Variants in ZIC3 observed in about 807,000 individuals in gnomAD.
ZIC3 encodes the protein zinc finger protein ZIC 3.
In ZIC3, 6 loss-of-function variants were observed where a neutral mutation model predicts 18.3. That is an observed-to-expected ratio of 0.33 (90% CI 0.18 to 0.65). The LOEUF is 0.65. ZIC3 is among the 30% of genes least tolerant of loss of function. The pLI, the probability that ZIC3 is intolerant of heterozygous loss-of-function variation, is 0.75. For missense variants in ZIC3, 260 were observed against 410.0 expected, an observed-to-expected ratio of 0.63 and a Z score of 3.16; for synonymous variants, 175 against 177.0, an observed-to-expected ratio of 0.99 and a Z score of 0.09.
intron 1 of ZIC3, among the ~76,000 whole-genome samples, chrX:137,568,629 C>T (rs1383507126): frequency 9.0e-6 from 1 of 111,006 alleles, no homozygotes; most frequent in African/African-American, 3.3e-5. Context: ...TTCGGAGGAG[C>T]CAGGGGCTTT....
At chrX:137,573,309 T>C (rs1173815076), downstream of ZIC3, among the ~76,000 whole-genome samples, 2 of 111,862 alleles carry the variant, frequency 1.8e-5, no homozygotes, top group Non-Finnish European at 3.8e-5. Context: ...ATTCCCACTG[T>C]TAGGCAAAAG....
downstream of ZIC3, among the ~76,000 whole-genome samples, chrX:137,576,464 G>T (rs1270564934): frequency 9.0e-6 from 1 of 111,696 alleles, no homozygotes; most frequent in African/African-American, 3.3e-5. Context: ...TTTTATAGAA[G>T]TTATGTGAAT....
intron 1 of ZIC3, 147 bp from the exon 2 acceptor site, chrX:137,568,755 T>A (rs1931394195): frequency 1.9e-5 from 9 of 480,442 alleles, no homozygotes; most frequent in Non-Finnish European, 3.0e-5. Flanking sequence ...TCTTCATTTC[T>A]CTCCAGGGAA....
downstream of ZIC3, among the ~76,000 whole-genome samples, chrX:137,572,524 ATTT>A (rs1931453917): frequency 8.9e-6 from 1 of 112,251 alleles, no homozygotes; most frequent in Admixed American, 9.4e-5. Flanking sequence ...ACCAGAGACC[ATTT>A]TAAATGCTCA....
In ZIC3 at chrX:137,570,571, C is replaced by T. The variant is rs1208991324; in HGVS notation, c.*501C>T. 8.0e-6 allele frequency: 1 copy of T among 124,872 alleles called. No homozygotes were observed. Among genetic ancestry groups the T allele is most frequent in the African/African-American group, 3.2e-5 (1 of 31,253 alleles). 10.3% of individuals were successfully genotyped at this position (124,872 alleles called of 1,213,427 possible). ...GTATTTTTGTCTAATAGGGTCGAAA[C>T]TGTTGTTCAGTATTTTTTCAGGCTG... is the stretch of plus-strand genomic sequence containing the variant. On this transcript the variant is annotated 3_prime_UTR_variant, in exon 3 of 3. Coordinates refer to ENST00000287538, the MANE Select transcript of ZIC3 (RefSeq NM_003413.4).
chrX:137,574,154 C>T (rs1312108447), downstream of ZIC3: 1 of 113,578 alleles, frequency 8.8e-6, no homozygotes, highest in Non-Finnish European at 1.9e-5. Context: ...GCGCTGGCCG[C>T]AAACTTTGTG....
At position 137,567,551 on chromosome X, in the gene ZIC3, T is replaced by A; in HGVS notation, c.860T>A (p.Val287Glu). 8.3e-7 allele frequency: 1 copy of A among 1,212,037 alleles called. No homozygotes were observed. The highest frequency in any genetic ancestry group is 1.1e-6 in the Non-Finnish European group (1 of 895,566). The change falls in exon 1 of 3, where the codon GTG (valine) becomes GAG (glutamate). Residue 287 changes from valine (V) to glutamate (E), a missense_variant. Val to Glu is a moderately radical substitution (Grantham distance 121). Transcript: ENST00000287538. Reference protein sequence around the residue: ...ELVTHVTMEHVGGPEQNNHVC... With the variant: ...ELVTHVTMEHEGGPEQNNHVC... ...GTGACACATGTCACCATGGAGCATG[T>A]GGGGGGCCCGGAGCAGAACAACCAC...
In ZIC3 at chrX:137,571,865, G is replaced by C. The variant is rs747064566; in HGVS notation, c.*1795G>C. Among the ~76,000 whole-genome samples the C allele has an allele frequency of 9.0e-6, 1 of 111,671 alleles. No individual in the cohort carries two copies. Among genetic ancestry groups the C allele is most frequent in the Non-Finnish European group, 1.9e-5 (1 of 53,145 alleles). On this transcript the variant is annotated 3_prime_UTR_variant, in exon 3 of 3. Coordinates refer to ENST00000287538, the MANE Select transcript of ZIC3 (RefSeq NM_003413.4). ...GAGTATTGAGACCTTTTTTATTAGG[G>C]TGCTGTTTGTTATTGAGAGCCCAAT...
In ZIC3 at chrX:137,566,806, C is replaced by A; in HGVS notation, c.115C>A (p.Pro39Thr). The A allele has an allele frequency of 1.7e-6, 2 of 1,173,161 alleles. No individual in the cohort carries two copies. The highest frequency in any genetic ancestry group is 1.7e-5 in the African/African-American group (1 of 57,242). The part of the protein sequence containing the change: ...NREPAGMGLN[P>T]FGDSTHAAAA... ...TGAGCCGGCAGGCATGGGGCTGAAT[C>A]CCTTCGGGGACTCAACCCACGCCGC... Residue 39 changes from proline (P) to threonine (T), a missense_variant, in exon 1 of 3, where the codon CCC becomes ACC. By Grantham distance (38) the Pro-to-Thr change is conservative. Coordinates refer to ENST00000287538, the MANE Select transcript of ZIC3 (RefSeq NM_003413.4).
rs766184012 is a variant in ZIC3, at chrX:137,567,246, C to T, written c.555C>T (p.His185=). 19 of 1,209,808 alleles carry T rather than the reference C, an allele frequency of 1.6e-5. No homozygotes were observed. The South Asian group carries it at 3.0e-4, about 19-fold the overall frequency. Residue 185 remains histidine, a synonymous_variant, in exon 1 of 3, where the codon CAC becomes CAT. Transcript: ENST00000287538. ...PTGHVDNNQV[H]LGLRGELFGR... ...GGCACGTGGACAACAACCAGGTCCACCTGGGGCTGCGTGGGGAGCTGTTCG... is the reference window on the plus strand; with the variant it reads ...GGCACGTGGACAACAACCAGGTCCATCTGGGGCTGCGTGGGGAGCTGTTCG...
downstream of ZIC3, among the ~76,000 whole-genome samples, chrX:137,574,661 A>C (rs1351340887): frequency 8.9e-6 from 1 of 112,414 alleles, no homozygotes; most frequent in Non-Finnish European, 1.9e-5. Context: ...GATAGAGTTG[A>C]AAGCCGCTTT....
downstream of ZIC3, among the ~76,000 whole-genome samples, chrX:137,575,816 G>C (rs1931507670): frequency 8.9e-6 from 1 of 112,081 alleles, no homozygotes; most frequent in Non-Finnish European, 1.9e-5. Context: ...TATCTGCAGA[G>C]AACAATTGAT....
downstream of ZIC3, among the ~76,000 whole-genome samples, chrX:137,576,875 C>T (rs1470038139): frequency 1.8e-5 from 2 of 111,824 alleles, no homozygotes; most frequent in African/African-American, 6.5e-5. Context: ...ATAGCTTTCA[C>T]CAGATGGCAA....
At chrX:137,577,482 G>C (rs979672462) in exon 3 of ZIC3, 1 of 290,909 alleles carries the variant, frequency 3.4e-6, no homozygotes, top group South Asian at 1.2e-4. Context: ...GTGAAGACTG[G>C]CCTAATTCAT....
intron 1 of ZIC3, 132 bp from the exon 2 acceptor site, chrX:137,568,770 G>A: frequency 1.5e-6 from 1 of 687,186 alleles, no homozygotes; most frequent in Non-Finnish European, 2.2e-6. Context: ...AGGGAAAATA[G>A]ATGCAGCAGC....
chrX:137,577,074 G>C, downstream of ZIC3: 1 of 447,306 alleles, frequency 2.2e-6, no homozygotes, highest in Non-Finnish European at 4.1e-6. Flanking sequence ...AAGAGGAAAT[G>C]TGGCCTGTTT....
At chrX:137,575,976 G>A (rs1048571402), downstream of ZIC3, among the ~76,000 whole-genome samples, 1 of 111,312 alleles carries the variant, frequency 9.0e-6, no homozygotes, top group African/African-American at 3.3e-5. Flanking sequence ...CTTTTCTTAT[G>A]TGTGATTCCT....
rs375943285 is a variant in ZIC3, at chrX:137,567,130, C to T, written c.439C>T (p.Leu147=). 8 of 1,206,696 alleles carry T rather than the reference C, an allele frequency of 6.6e-6. No individual in the cohort carries two copies. Among genetic ancestry groups the T allele is most frequent in the African/African-American group, 1.7e-5 (1 of 57,947 alleles). The change falls in exon 1 of 3, where the codon CTG becomes TTG. Residue 147 remains leucine, a synonymous_variant. Coordinates refer to ENST00000287538, the MANE Select transcript of ZIC3 (RefSeq NM_003413.4). The part of the protein sequence containing the change: ...HGLFAGSASS[L]HAPAGIPEPP... Reference sequence around the variant, plus strand: ...GCTCTTCGCCGGCTCGGCGAGCAGCCTGCATGCTCCAGCTGGCATCCCCGA... The same window carrying T: ...GCTCTTCGCCGGCTCGGCGAGCAGCTTGCATGCTCCAGCTGGCATCCCCGA...
At chrX:137,572,670 C>T (rs1931454975), downstream of ZIC3, among the ~76,000 whole-genome samples, 1 of 111,070 alleles carries the variant, frequency 9.0e-6, no homozygotes, top group African/African-American at 3.3e-5. Flanking sequence ...TGAGTTCCCT[C>T]CCCCACCCTC....
Sources: allele counts gnomAD v4.1 joint callset (sites outside exome capture counted in the v4.1 genomes callset), GRCh38; gene constraint gnomAD v4.1.1; transcripts MANE v1.5; gene names NCBI Gene and HGNC (gene_info 2026-07-23, HGNC 2026-07-21).